The following TERF1 variants were observed in gnomAD, a reference collection of about 807,000 sequenced individuals.
TERF1 encodes telomeric repeat binding factor 1.
TERF1 carries 20 observed loss-of-function variants against 55.1 expected under a neutral mutation model. The observed-to-expected ratio is 0.36, with a 90% confidence interval of 0.26 to 0.53. TERF1 has a LOEUF of 0.53. Among genes scored for constraint, TERF1 ranks in the 20% least tolerant of loss-of-function variants. The pLI is 0.91. For synonymous variants in TERF1, 168 were observed against 181.2 expected, an observed-to-expected ratio of 0.93 and a Z score of 0.59; for missense variants, 439 against 535.7, an observed-to-expected ratio of 0.82 and a Z score of 1.78.
At chr8:73,027,497 TGG>T (rs962379444) in intron 6 of TERF1, among the ~76,000 whole-genome samples, 19 of 152,350 alleles carry the variant, frequency 1.2e-4, no homozygotes, top group African/African-American at 4.6e-4. Context: ...GCTTTAATAC[TGG>T]AGGAAAACAA....
chr8:73,039,332 C>A, intron 9 of TERF1, 113 bp downstream of exon 9: 1 of 684,332 alleles, frequency 1.5e-6, no homozygotes, highest in South Asian at 2.6e-5. Context: ...AAATATTTGC[C>A]CTTTGCCATC....
rs1809648623 is a variant in TERF1, at chr8:73,037,815, T to TATATA, written c.1040-1295_1040-1291dup. 8.7e-5 allele frequency among the ~76,000 whole-genome samples: 9 copies of TATATA among 103,244 alleles called. No individual in the cohort carries two copies. The South Asian group carries it at 1.2e-3, about 13-fold the overall frequency. 67.7% of individuals were successfully genotyped at this position (103,244 alleles called of 152,430 possible). A position where few individuals can be genotyped will look rare whatever the true frequency, so the allele number is the denominator to read the frequency against. ...ATATAGTATAATAATATATATATTA[T>TATATA]ATATAATATATAGTATAATAATATA... On this transcript the variant is annotated intron_variant, in intron 8 of 9. Transcript: ENST00000276603.
In TERF1 at chr8:73,039,108, A is replaced by G. The variant is rs1024872489; in HGVS notation, c.1040-8A>G. The G allele has an allele frequency of 2.0e-6, 3 of 1,528,616 alleles. No individual in the cohort carries two copies. The highest frequency in any genetic ancestry group is 2.7e-6 in the Non-Finnish European group (3 of 1,130,182). The allele number at this position is 1,528,616 out of a possible 1,614,324, so 94.7% of individuals were successfully genotyped here. A position where few individuals can be genotyped will look rare whatever the true frequency, so the allele number is the denominator to read the frequency against. ...TCAATATTTATGACATTATTTTTCT[A>G]CTTTTAGGTACAAAAAAGAAAAAAG... is the stretch of plus-strand genomic sequence containing the variant. On this transcript the variant is annotated splice_region_variant and splice_polypyrimidine_tract_variant and intron_variant, in intron 8 of 9. Transcript: ENST00000276603.
intron 2 of TERF1, chr8:73,018,998 C>T (rs1009488321): frequency 2.0e-5 from 3 of 152,150 alleles, no homozygotes; most frequent in Admixed American, 6.5e-5. Context: ...AGGGGCCATG[C>T]TAATCTCTGC....
chr8:73,009,425 A>G, intron 1 of TERF1: 1 of 571,050 alleles, frequency 1.8e-6, no homozygotes, highest in Non-Finnish European at 3.1e-6. Flanking sequence ...ATAAAATGAA[A>G]ATAAGACCCT....
chr8:73,042,574 T>A (rs1004269465), intron 9 of TERF1, among the ~76,000 whole-genome samples: 1 of 152,210 alleles, frequency 6.6e-6, no homozygotes, highest in African/African-American at 2.4e-5. Flanking sequence ...AGAGCCCTCC[T>A]TTTATAAACT....
chr8:73,020,002 T>C (rs937921717), intron 2 of TERF1, among the ~76,000 whole-genome samples: 2 of 152,248 alleles, frequency 1.3e-5, no homozygotes, highest in Non-Finnish European at 2.9e-5. Context: ...CATTAGCATG[T>C]GCGTATCATA....
chr8:73,037,706 ATAT>A (rs1809619767), intron 8 of TERF1, among the ~76,000 whole-genome samples: 1 of 16,234 alleles, frequency 6.2e-5, no homozygotes, highest in Non-Finnish European at 1.9e-4. Flanking sequence ...GTATAATATT[ATAT>A]TATATATAAT....
chr8:73,009,813 C>T (rs1335941363), intron 1 of TERF1: 1 of 152,126 alleles, frequency 6.6e-6, no homozygotes, highest in Non-Finnish European at 1.5e-5. Context: ...AGAGTGATAC[C>T]CTGTATGAAT....
intron 6 of TERF1, 24 bp from the exon 7 acceptor site, chr8:73,030,312 T>TA: frequency 6.6e-7 from 1 of 1,508,818 alleles, no homozygotes; most frequent in South Asian, 1.3e-5. Flanking sequence ...TTTACATTCT[T>TA]ACAAATTTTT....
At chr8:73,013,842 G>A in intron 1 of TERF1, 53 bp from the exon 2 acceptor site, 1 of 1,096,040 alleles carries the variant, frequency 9.1e-7, no homozygotes, top group Non-Finnish European at 1.4e-6. Context: ...CCACACAGTG[G>A]CACTACTGGA....
intron 2 of TERF1, among the ~76,000 whole-genome samples, chr8:73,015,860 C>G (rs540718753): frequency 8.6e-5 from 13 of 151,954 alleles, no homozygotes; most frequent in African/African-American, 3.1e-4. Context: ...GCAGGTGTAG[C>G]TAAAAAATAA....
chr8:73,029,431 C>T (rs1161942447), intron 6 of TERF1, among the ~76,000 whole-genome samples: 1 of 151,902 alleles, frequency 6.6e-6, no homozygotes, highest in Non-Finnish European at 1.5e-5. Flanking sequence ...TTGAGACCAG[C>T]CTAGGCAACA....
chr8:73,035,759 T>A (rs1809482079), intron 8 of TERF1, among the ~76,000 whole-genome samples: 1 of 152,188 alleles, frequency 6.6e-6, no homozygotes, highest in African/African-American at 2.4e-5. Flanking sequence ...GCTAGTGTGG[T>A]TTCCATTTTC....
At chr8:73,035,961 A>G (rs1174481953) in intron 8 of TERF1, among the ~76,000 whole-genome samples, 3 of 152,246 alleles carry the variant, frequency 2.0e-5, no homozygotes, top group Non-Finnish European at 2.9e-5. Flanking sequence ...TTATAGATAC[A>G]AAAGGTAGAC....
chr8:73,028,752 CTA>C (rs899529740), intron 6 of TERF1, among the ~76,000 whole-genome samples: 14 of 152,024 alleles, frequency 9.2e-5, no homozygotes, highest in African/African-American at 2.9e-4. Context: ...CAGAGATCAC[CTA>C]TATGAAGTCT....
At chr8:73,014,117 G>C in intron 2 of TERF1, 127 bp downstream of exon 2, 1 of 684,572 alleles carries the variant, frequency 1.5e-6, no homozygotes. Flanking sequence ...GGTGTGGGGG[G>C]GTGGTGTGTG....
At chr8:73,010,290 T>G (rs772177617) in intron 1 of TERF1, 2 of 152,210 alleles carry the variant, frequency 1.3e-5, no homozygotes, top group Admixed American at 6.5e-5. Context: ...CCATCCTTTA[T>G]CTTCCAGTTC....
At chr8:73,044,522 T>G (rs1055725988) in intron 9 of TERF1, among the ~76,000 whole-genome samples, 5 of 152,214 alleles carry the variant, frequency 3.3e-5, no homozygotes, top group African/African-American at 1.2e-4. Flanking sequence ...ACTGGATTTT[T>G]TTTTCTTCGA....
Sources: allele counts gnomAD v4.1 joint callset (sites outside exome capture counted in the v4.1 genomes callset), GRCh38; gene constraint gnomAD v4.1.1; transcripts MANE v1.5; gene names NCBI Gene and HGNC (gene_info 2026-07-23, HGNC 2026-07-21).